Variants in ABCC9 observed in about 807,000 individuals in gnomAD.
ABCC9 encodes the protein ATP-binding cassette sub-family C member 9.
A neutral mutation model predicts 188.3 loss-of-function variants in ABCC9; 95 were observed. That is an observed-to-expected ratio of 0.50 (90% CI 0.43 to 0.60). ABCC9 has a LOEUF of 0.60. Ranked by LOEUF, ABCC9 falls within the 20% of genes least tolerant of loss-of-function variation. The probability of loss-of-function intolerance (pLI) is 0.00; values close to 1 mark genes in which losing one functional copy is unlikely to be tolerated. For missense variants in ABCC9, 1,102 were observed against 1,876.3 expected (o/e 0.59, Z 7.62); for synonymous variants, 659 against 652.7 (o/e 1.01, Z -0.15).
At chr12:21,801,323 CCT>C (rs1941417085) in intron 39 of ABCC9, 142 bp from the exon 40 acceptor site, 1 of 1,045,678 alleles carries the variant, frequency 9.6e-7, no homozygotes, top group Non-Finnish European at 1.4e-6. Flanking sequence ...AGACACCTCC[CCT>C]TTTTTCCTTA....
intron 8 of ABCC9, among the ~76,000 whole-genome samples, 178 bp from the exon 9 acceptor site, chr12:21,911,156 G>C (rs558335142): frequency 6.6e-6 from 1 of 151,890 alleles, no homozygotes; most frequent in Non-Finnish European, 1.5e-5. Context: ...ATTGATTAAT[G>C]AGTGATGGAA....
chr12:21,801,099 C>G lies in ABCC9; in HGVS notation c.4595G>C (p.Ser1532Thr), dbSNP rs373396917. ...GNILEYDTPE[S>T]LLAQENGVFA... ...TACTCCATTTTCCTGAGCCAAGAGGCTTTCTGGAGTGTCATATTCTAAAAT... is the reference window on the plus strand; with the variant it reads ...TACTCCATTTTCCTGAGCCAAGAGGGTTTCTGGAGTGTCATATTCTAAAAT... Residue 1532 changes from serine to threonine, a missense_variant, in exon 40 of 40, where the codon AGC becomes ACC. By Grantham distance (58) the Ser-to-Thr change is moderately conservative. Around this residue, in one of 12 missense-constraint regions of ABCC9, gnomAD observed 30 missense variants for 34.3 expected, o/e 0.87. Transcript: ENST00000261200. 1 of 1,613,902 alleles carries G rather than the reference C, an allele frequency of 6.2e-7. No homozygotes were observed. The highest frequency in any genetic ancestry group is 8.5e-7 in the Non-Finnish European group (1 of 1,179,956).
intron 37 of ABCC9, among the ~76,000 whole-genome samples, chr12:21,808,370 T>C (rs1381875095): frequency 6.6e-6 from 1 of 152,142 alleles, no homozygotes; most frequent in Admixed American, 6.6e-5. Context: ...TTCAGTCGGT[T>C]ACATAATGTA....
chr12:21,830,406 T>C (rs1943689916), intron 30 of ABCC9, among the ~76,000 whole-genome samples: 1 of 152,236 alleles, frequency 6.6e-6, no homozygotes, highest in African/African-American at 2.4e-5. Flanking sequence ...GCTTGTCTTA[T>C]AGAGACCTCC....
At chr12:21,861,753 G>A (rs1945517157) in intron 20 of ABCC9, among the ~76,000 whole-genome samples, 1 of 152,152 alleles carries the variant, frequency 6.6e-6, no homozygotes, top group Non-Finnish European at 1.5e-5. Context: ...AATGAGTAAC[G>A]AAGTTTAAGG....
chr12:21,912,626 T>A (rs185390352), intron 8 of ABCC9, among the ~76,000 whole-genome samples: 1 of 152,258 alleles, frequency 6.6e-6, no homozygotes, highest in Admixed American at 6.5e-5. Flanking sequence ...CGTAAATGCT[T>A]GTTAAATGTT....
intron 35 of ABCC9, among the ~76,000 whole-genome samples, chr12:21,813,661 A>T (rs754911140): frequency 1.3e-5 from 2 of 152,152 alleles, no homozygotes; most frequent in Non-Finnish European, 2.9e-5. Flanking sequence ...ATCCCACTGA[A>T]AGTCCTTAAA....
At chr12:21,857,621 A>T (rs1333080163) in intron 22 of ABCC9, among the ~76,000 whole-genome samples, 1 of 152,144 alleles carries the variant, frequency 6.6e-6, no homozygotes, top group East Asian at 1.9e-4. Context: ...GGCTTAAACT[A>T]ACTATATGCA....
At chr12:21,925,327 C>A in intron 5 of ABCC9, 2 of 512,536 alleles carry the variant, frequency 3.9e-6, no homozygotes, top group Admixed American at 3.4e-5. Flanking sequence ...CTGATTTCCA[C>A]AGAACAAGGA....
chr12:21,877,989 A>T (rs1946447790), intron 16 of ABCC9, among the ~76,000 whole-genome samples: 2 of 130,756 alleles, frequency 1.5e-5, no homozygotes, highest in Admixed American at 1.7e-4. Flanking sequence ...GGAGTTCAAG[A>T]TATTGAAGGT....
intron 3 of ABCC9, 129 bp from the exon 4 acceptor site, chr12:21,934,052 A>G: frequency 1.2e-6 from 1 of 810,296 alleles, no homozygotes; most frequent in Non-Finnish European, 2.0e-6. Flanking sequence ...AACTTTCTAG[A>G]GTAGCAATGG....
chr12:21,898,080 C>T (rs1947511756), intron 12 of ABCC9, among the ~76,000 whole-genome samples: 1 of 152,144 alleles, frequency 6.6e-6, no homozygotes, highest in Non-Finnish European at 1.5e-5. Context: ...AGCACTTGAG[C>T]CCAGCAGTTA....
chr12:21,916,438 G>A (rs2137925390), intron 6 of ABCC9, among the ~76,000 whole-genome samples: 1 of 152,204 alleles, frequency 6.6e-6, no homozygotes, highest in African/African-American at 2.4e-5. Flanking sequence ...ATTAAGTGGT[G>A]GAAAGTACAA....
chr12:21,868,918 A>T (rs1215604703), intron 18 of ABCC9, among the ~76,000 whole-genome samples: 1 of 152,220 alleles, frequency 6.6e-6, no homozygotes, highest in Admixed American at 6.5e-5. Context: ...GAATGAAAAG[A>T]GTAATTACAA....
intron 38 of ABCC9, among the ~76,000 whole-genome samples, chr12:21,807,078 T>C (rs1012386521): frequency 1.3e-5 from 2 of 152,176 alleles, no homozygotes; most frequent in Admixed American, 1.3e-4. Flanking sequence ...AACTAAGCCC[T>C]GGAAATTTAC....
intron 31 of ABCC9, among the ~76,000 whole-genome samples, chr12:21,824,332 G>A (rs1250056257): frequency 1.3e-5 from 2 of 152,124 alleles, no homozygotes; most frequent in Non-Finnish European, 2.9e-5. Flanking sequence ...TGCATCCCAG[G>A]GATGATGCCG....
intron 20 of ABCC9, 131 bp downstream of exon 20, chr12:21,862,822 G>C: frequency 1.5e-6 from 1 of 670,020 alleles, no homozygotes. Context: ...CCTTGGTGAT[G>C]AGGATGAAAA....
At chr12:21,804,705 C>T (rs181017605) in intron 39 of ABCC9, among the ~76,000 whole-genome samples, 2 of 152,308 alleles carry the variant, frequency 1.3e-5, no homozygotes, top group East Asian at 1.9e-4. Context: ...AAAAAAGCTG[C>T]ACTCCAAAGG....
intron 15 of ABCC9, among the ~76,000 whole-genome samples, chr12:21,883,321 G>A (rs1946712696): frequency 6.6e-6 from 1 of 152,146 alleles, no homozygotes; most frequent in Admixed American, 6.5e-5. Flanking sequence ...CATGGGTGTG[G>A]GGATCTTTTC....
Sources: allele counts gnomAD v4.1 joint callset (sites outside exome capture counted in the v4.1 genomes callset), GRCh38; gene constraint gnomAD v4.1.1; regional missense constraint gnomAD v4.1.1; transcripts MANE v1.5; gene names NCBI Gene and HGNC (gene_info 2026-07-23, HGNC 2026-07-21).